Variants in ZNF407 observed in about 807,000 individuals in gnomAD.
ZNF407 encodes the protein zinc finger protein 407.
A neutral mutation model predicts 131.2 loss-of-function variants in ZNF407; 17 were observed. The observed-to-expected ratio is 0.13, with a 90% CI of 0.09 to 0.19. The LOEUF (loss-of-function observed/expected upper bound fraction) is 0.19. ZNF407 is among the 10% of genes least tolerant of loss of function. The probability of loss-of-function intolerance (pLI) is 1.00; values close to 1 mark genes in which losing one functional copy is unlikely to be tolerated. For synonymous variants in ZNF407, 1,156 were observed against 1,062.0 expected (o/e 1.09, Z -1.72); for missense variants, 2,681 against 2,830.6 (o/e 0.95, Z 1.20).
intron 3 of ZNF407, among the ~76,000 whole-genome samples, chr18:74,714,948 C>A (rs977002173): frequency 6.6e-6 from 1 of 152,108 alleles, no homozygotes; most frequent in African/African-American, 2.4e-5. Flanking sequence ...CTAGACAGGG[C>A]GTCGCTCTGG....
At chr18:74,994,819 G>A (rs930733515) in intron 8 of ZNF407, among the ~76,000 whole-genome samples, 2 of 152,330 alleles carry the variant, frequency 1.3e-5, no homozygotes, top group Admixed American at 6.5e-5. Context: ...ACAGCACAGT[G>A]TGGACAGAAT....
chr18:74,936,631 C>T lies in ZNF407; in HGVS notation c.5428+15939C>T, dbSNP rs144554340. ...TAGTTCCTTCTCTTGCTAAGCCAGC[C>T]GCAGGTAGGATCTTTGACTCTGTAT... On this transcript the variant is annotated intron_variant, in intron 8 of 8. Coordinates refer to ENST00000299687, the MANE Select transcript of ZNF407 (RefSeq NM_017757.3). 8.3e-3 allele frequency among the ~76,000 whole-genome samples: 1,258 copies of T among 152,254 alleles called. 10 individuals are homozygous for T. Among genetic ancestry groups the T allele is most frequent in the Middle Eastern group, 0.014 (4 of 294 alleles).
At chr18:74,915,759 C>A in intron 7 of ZNF407, among the ~76,000 whole-genome samples, 1 of 34,404 alleles carries the variant, frequency 2.9e-5, no homozygotes, top group Non-Finnish European at 5.3e-5. Flanking sequence ...TGGTTCGAAT[C>A]GGGAGTGTGT....
chr18:74,954,955 T>G (rs78829894), intron 8 of ZNF407, among the ~76,000 whole-genome samples: 1,651 of 152,322 alleles, frequency 0.011, 33 homozygotes, highest in African/African-American at 0.037. Context: ...AGTTTAATCC[T>G]AAAGGTGTTG....
intron 8 of ZNF407, among the ~76,000 whole-genome samples, chr18:75,004,320 G>T (rs1476585754): frequency 6.6e-6 from 1 of 152,218 alleles, no homozygotes; most frequent in Admixed American, 6.5e-5. Context: ...GGGTTCCATT[G>T]CCCACAGAGC....
At chr18:74,931,488 A>G (rs1971981824) in intron 8 of ZNF407, among the ~76,000 whole-genome samples, 1 of 152,224 alleles carries the variant, frequency 6.6e-6, no homozygotes, top group African/African-American at 2.4e-5. Flanking sequence ...GAAAATGCAA[A>G]TAAAAACCAC....
chr18:74,971,898 C>G (rs1417993031), intron 8 of ZNF407, among the ~76,000 whole-genome samples: 1 of 152,180 alleles, frequency 6.6e-6, no homozygotes, highest in Non-Finnish European at 1.5e-5. Flanking sequence ...ATCGGACTTG[C>G]AGTTCCACAT....
At chr18:74,992,594 G>A (rs1412976181) in intron 8 of ZNF407, among the ~76,000 whole-genome samples, 1 of 152,218 alleles carries the variant, frequency 6.6e-6, no homozygotes, top group Middle Eastern at 3.2e-3. Flanking sequence ...CATCAAGAAG[G>A]GCTGTGAGCG....
intron 3 of ZNF407, among the ~76,000 whole-genome samples, chr18:74,676,500 G>A (rs1348073671): frequency 1.5e-4 from 23 of 151,146 alleles, no homozygotes; most frequent in Middle Eastern, 3.4e-3. Context: ...GCAGTGGCGG[G>A]ATCTCGGCTC....
At chr18:74,732,894 T>A (rs1444129069) in intron 3 of ZNF407, among the ~76,000 whole-genome samples, 1 of 152,166 alleles carries the variant, frequency 6.6e-6, no homozygotes, top group African/African-American at 2.4e-5. Flanking sequence ...AATTTTGAAA[T>A]CTAATGAGTA....
Position 75,064,148 on chromosome 18 carries a change from T to A in ZNF407, c.6427T>A (p.Ser2143Thr). The A allele has an allele frequency of 6.2e-7, 1 of 1,603,214 alleles. No individual in the cohort carries two copies. The highest frequency in any genetic ancestry group is 8.5e-7 in the Non-Finnish European group (1 of 1,175,096). ...TCTGGTGGAGTCCGACGGGGAGATC[T>A]CGCAGATCATCGTGACGGAGGAGCT... ...MDLVESDGEI[S>T]QIIVTEELVQ... Residue 2143 changes from serine to threonine, a missense_variant, in exon 9 of 9, where the codon TCG becomes ACG. Transcript: ENST00000299687.
intron 4 of ZNF407, among the ~76,000 whole-genome samples, chr18:74,819,711 G>A (rs1202002088): frequency 2.0e-5 from 3 of 152,180 alleles, no homozygotes; most frequent in African/African-American, 4.8e-5. Flanking sequence ...GTGGATCACC[G>A]AAACGTGTAG....
At chr18:74,940,782 C>T (rs1972089031) in intron 8 of ZNF407, among the ~76,000 whole-genome samples, 1 of 152,172 alleles carries the variant, frequency 6.6e-6, no homozygotes, top group Non-Finnish European at 1.5e-5. Context: ...AAGCGTCGCT[C>T]CCTCACTTAC....
intron 8 of ZNF407, among the ~76,000 whole-genome samples, chr18:75,004,187 C>T (rs1189251613): frequency 2.0e-5 from 3 of 152,116 alleles, no homozygotes; most frequent in Non-Finnish European, 4.4e-5. Context: ...CGGTGCACGT[C>T]GTAGCACCGG....
At chr18:74,906,187 A>T (rs1023319345) in intron 7 of ZNF407, among the ~76,000 whole-genome samples, 19 of 152,144 alleles carry the variant, frequency 1.2e-4, no homozygotes, top group Non-Finnish European at 2.1e-4. Context: ...TTCTTGGTGT[A>T]TAGGCTGCAT....
At chr18:74,893,473 TA>T (rs1971414106) in intron 7 of ZNF407, among the ~76,000 whole-genome samples, 1 of 152,176 alleles carries the variant, frequency 6.6e-6, no homozygotes, top group South Asian at 2.1e-4. Flanking sequence ...ACCGGGAGTA[TA>T]AAAAATTTGC....
At chr18:74,724,972 CTTTAACTT>C (rs1343368849) in intron 3 of ZNF407, among the ~76,000 whole-genome samples, 1 of 152,196 alleles carries the variant, frequency 6.6e-6, no homozygotes, top group East Asian at 1.9e-4. Context: ...ACCTTTCAAG[CTTTAACTT>C]TAGATTTTTT....
chr18:74,701,332 C>G (rs982177039), intron 3 of ZNF407, among the ~76,000 whole-genome samples: 1 of 152,194 alleles, frequency 6.6e-6, no homozygotes, highest in Non-Finnish European at 1.5e-5. Context: ...CATCTCATCG[C>G]AAAGAAATAA....
intron 4 of ZNF407, among the ~76,000 whole-genome samples, chr18:74,867,986 T>C (rs537778813): frequency 3.3e-5 from 5 of 152,366 alleles, no homozygotes; most frequent in African/African-American, 1.2e-4. Flanking sequence ...TTCTTTTTAT[T>C]TATACTTTTC....
Sources: allele counts gnomAD v4.1 joint callset (sites outside exome capture counted in the v4.1 genomes callset), GRCh38; gene constraint gnomAD v4.1.1; transcripts MANE v1.5; gene names NCBI Gene and HGNC (gene_info 2026-07-23, HGNC 2026-07-21).